Variants in KIRREL2 observed in about 807,000 individuals in gnomAD.
The protein encoded by KIRREL2 is kirre like nephrin family adhesion molecule 2.
A neutral mutation model predicts 73.4 loss-of-function variants in KIRREL2; 56 were observed. That is an observed-to-expected ratio of 0.76 (90% CI 0.62 to 0.95). The LOEUF is 0.95. Among genes scored for constraint, KIRREL2 ranks in the 40% least tolerant of loss-of-function variants. The pLI is 0.00. For synonymous variants in KIRREL2, 407 were observed against 404.0 expected, an observed-to-expected ratio of 1.01 and a Z score of -0.09; for missense variants, 896 against 935.0, an observed-to-expected ratio of 0.96 and a Z score of 0.54.
In KIRREL2 at chr19:35,862,598, G is replaced by A. The variant is rs1484849153; in HGVS notation, c.1615+1G>A. 6.2e-7 allele frequency: 1 copy of A among 1,602,532 alleles called. No homozygotes were observed. Among genetic ancestry groups the A allele is most frequent in the Non-Finnish European group, 8.5e-7 (1 of 1,176,638 alleles). Reference sequence around the variant, plus strand: ...CTCTGCTGCTGGCGCCACAGCAAGGGTTAGTGCCTGAGCCCCGCCCCGGCT... The same window carrying A: ...CTCTGCTGCTGGCGCCACAGCAAGGATTAGTGCCTGAGCCCCGCCCCGGCT... On this transcript the variant is annotated splice_donor_variant, in intron 12 of 14. Transcript: ENST00000360202. LOFTEE classifies it high-confidence loss of function.
chr19:35,861,473 C>T, intron 9 of KIRREL2, 68 bp from the exon 10 acceptor site: 6 of 1,539,306 alleles, frequency 3.9e-6, no homozygotes, highest in South Asian at 2.3e-5. Context: ...CTGGACAGAC[C>T]CGGCTTTGTT....
upstream of KIRREL2, among the ~76,000 whole-genome samples, chr19:35,856,155 C>T (rs1411396850): frequency 1.3e-5 from 2 of 152,362 alleles, no homozygotes; most frequent in South Asian, 2.1e-4. The surrounding 1 kb of genome is among the most constrained non-coding windows in gnomAD (Gnocchi z 5.9). Context: ...GCCAGCTGCG[C>T]AGCGTGGGAA....
At chr19:35,855,262 C>T (rs1973381138), upstream of KIRREL2, among the ~76,000 whole-genome samples, 1 of 152,052 alleles carries the variant, frequency 6.6e-6, no homozygotes, top group Non-Finnish European at 1.5e-5. Context: ...TCCCTAGGTG[C>T]CAGAGCGTGG....
chr19:35,858,951 A>C (rs2146855105), intron 4 of KIRREL2, 87 bp downstream of exon 4: 2 of 1,424,408 alleles, frequency 1.4e-6, no homozygotes, highest in Non-Finnish European at 2.0e-6. Context: ...GAAGAGAAGA[A>C]GACATGGGAG....
At position 35,860,533 on chromosome 19, in the gene KIRREL2, G is replaced by C; in HGVS notation, c.794G>C (p.Gly265Ala). Residue 265 changes from glycine to alanine, a missense_variant, in exon 7 of 15, where the codon GGC (glycine) becomes GCC (alanine). Coordinates refer to ENST00000360202, the MANE Select transcript of KIRREL2 (RefSeq NM_199180.4). ...CATTTCCTCAGGTGGGCAAAAGGGG[G>C]CTCTCCGGTGCTCGGGGCCCGCGGG... ...PVTGYRWAKGGSPVLGARGPR... is the reference protein window; with the variant it reads ...PVTGYRWAKGASPVLGARGPR... The C allele has an allele frequency of 6.2e-7, 1 of 1,602,750 alleles. No homozygotes were observed. Among genetic ancestry groups the C allele is most frequent in the Non-Finnish European group, 8.5e-7 (1 of 1,179,902 alleles).
At chr19:35,859,992 C>T (rs1333064041) in intron 5 of KIRREL2, among the ~76,000 whole-genome samples, 1 of 152,106 alleles carries the variant, frequency 6.6e-6, no homozygotes, top group Non-Finnish European at 1.5e-5. Flanking sequence ...TTGCGGTGAG[C>T]CGAGATCATG....
In KIRREL2 at chr19:35,862,000, G is replaced by A; in HGVS notation, c.1486G>A (p.Ala496Thr). The A allele has an allele frequency of 1.2e-6, 2 of 1,610,540 alleles. No individual in the cohort carries two copies. Among genetic ancestry groups the A allele is most frequent in the Non-Finnish European group, 1.7e-6 (2 of 1,178,722 alleles). Reference protein sequence around the residue: ...SARNRLGEGGAQASLGRRDLL... With the variant: ...SARNRLGEGGTQASLGRRDLL... ...CCGGAACCGGCTGGGCGAGGGAGGT[G>A]CCCAGGCCAGCCTGGGCCGTAGAGG... Residue 496 changes from alanine (A) to threonine (T), a missense_variant, in exon 11 of 15, where the codon GCC (alanine) becomes ACC (threonine). Ala to Thr is a moderately conservative substitution (Grantham distance 58). Coordinates refer to ENST00000360202, the MANE Select transcript of KIRREL2 (RefSeq NM_199180.4).
At chr19:35,851,466 G>A (rs1334881131), upstream of KIRREL2, 1 of 1,613,354 alleles carries the variant, frequency 6.2e-7, no homozygotes, top group East Asian at 2.2e-5. Context: ...CCTCTAGCAG[G>A]GTCCCCTTCC....
intron 5 of KIRREL2, 74 bp from the exon 6 acceptor site, chr19:35,860,222 AG>A: frequency 8.1e-7 from 1 of 1,230,118 alleles, no homozygotes; most frequent in South Asian, 1.3e-5. Context: ...TGGAGGAACC[AG>A]GGACTGGACA....
In KIRREL2 at chr19:35,858,550, C is replaced by T. The variant is rs199937874; in HGVS notation, c.354C>T (p.His118=). The T allele has an allele frequency of 1.3e-4, 203 of 1,614,132 alleles. No homozygotes were observed. In the Admixed American group the frequency reaches 2.6e-3, roughly 21 times the overall value. ...TCCGCTCCAGACCAGCCCAACTGCA[C>T]GTGCTGGGTAAGGACCTCGCCCACT... The part of the protein sequence containing the change: ...AGLRSRPAQL[H]VLVPPEAPQV... The change falls in exon 3 of 15, where the codon CAC becomes CAT. Residue 118 remains histidine, a synonymous_variant. Transcript: ENST00000360202.
At chr19:35,860,707 C>G in intron 7 of KIRREL2, 40 bp downstream of exon 7, 1 of 1,596,944 alleles carries the variant, frequency 6.3e-7, no homozygotes, top group Non-Finnish European at 8.5e-7. Context: ...CAAAGGTGGC[C>G]GTGGCTTTCA....
chr19:35,864,794 C>A, intron 14 of KIRREL2, 81 bp downstream of exon 14: 4 of 1,069,572 alleles, frequency 3.7e-6, no homozygotes, highest in Non-Finnish European at 4.3e-6. Flanking sequence ...CTCTCTCCCA[C>A]GCCTGTCCCC....
upstream of KIRREL2, among the ~76,000 whole-genome samples, chr19:35,855,086 C>T (rs1056976625): frequency 1.3e-5 from 2 of 152,134 alleles, no homozygotes; most frequent in African/African-American, 4.8e-5. Flanking sequence ...CTGGCCTCAG[C>T]CCCCAGCTTC....
upstream of KIRREL2, among the ~76,000 whole-genome samples, chr19:35,854,142 G>A (rs1209122869): frequency 6.6e-6 from 1 of 151,556 alleles, no homozygotes; most frequent in Non-Finnish European, 1.5e-5. Flanking sequence ...GCTGCACCCC[G>A]CCACTTGGCT....
chr19:35,858,712 G>C lies in KIRREL2; in HGVS notation c.370G>C (p.Glu124Gln), dbSNP rs1973535752. The change falls in exon 4 of 15, where the codon GAA becomes CAA. Residue 124 changes from glutamate to glutamine, a missense_variant. Physicochemically the swap from Glu to Gln is conservative, Grantham distance 29. Transcript: ENST00000360202. Reference protein sequence around the residue: ...PAQLHVLVPPEAPQVLGGPSV... With the variant: ...PAQLHVLVPPQAPQVLGGPSV... Reference sequence around the variant, plus strand: ...CCAAATCCACCTTGCAGTCCCCCCAGAAGCCCCCCAGGTGCTGGGCGGCCC... The same window carrying C: ...CCAAATCCACCTTGCAGTCCCCCCACAAGCCCCCCAGGTGCTGGGCGGCCC... 1.9e-6 allele frequency: 3 copies of C among 1,613,970 alleles called. No individual in the cohort carries two copies.
chr19:35,858,605 G>A (rs375985986), intron 3 of KIRREL2, 48 bp downstream of exon 3: 86 of 1,611,132 alleles, frequency 5.3e-5, no homozygotes, highest in Admixed American at 1.8e-4. Context: ...AGGGCAGCCC[G>A]TACTAGCTGT....
Position 35,861,679 on chromosome 19 carries a change from G to A in KIRREL2, c.1290+38G>A, listed in dbSNP as rs1409994846. On this transcript the variant is annotated intron_variant, in intron 10 of 14. Coordinates refer to ENST00000360202, the MANE Select transcript of KIRREL2 (RefSeq NM_199180.4). ...CACTCCTCCCGTGACCCATCCAGCCGTGATCCCTGACCTCCCACCTGGCCC... is the reference window on the plus strand; with the variant it reads ...CACTCCTCCCGTGACCCATCCAGCCATGATCCCTGACCTCCCACCTGGCCC... The A allele has an allele frequency of 1.1e-5, 17 of 1,603,800 alleles. No homozygotes were observed. The Admixed American group carries it at 1.4e-4, about 13-fold the overall frequency.
chr19:35,851,803 AG>A, upstream of KIRREL2: 8 of 1,553,216 alleles, frequency 5.2e-6, no homozygotes, highest in Non-Finnish European at 7.0e-6. Flanking sequence ...CCCCAGGAGC[AG>A]GAGAGAAGCC....
chr19:35,851,705 G>A (rs770028736), upstream of KIRREL2: 3 of 1,591,620 alleles, frequency 1.9e-6, no homozygotes, highest in South Asian at 1.1e-5. Context: ...GGAAAGGGCA[G>A]AGGGTTTGTC....
Sources: gnomAD v4.1 joint callset for allele counts (sites outside exome capture counted in the v4.1 genomes callset) on GRCh38, gnomAD v4.1.1 for gene constraint, Gnocchi (gnomAD v3.1) non-coding constraint, MANE v1.5 for transcripts, NCBI Gene and HGNC (gene_info 2026-07-23, HGNC 2026-07-21) for gene names.